The following LHX3 variants were observed in gnomAD, a reference collection of about 807,000 sequenced individuals.
LHX3 encodes LIM/homeobox protein Lhx3.
LHX3 carries 21 observed loss-of-function variants against 32.4 expected under a neutral mutation model. That is an observed-to-expected ratio of 0.65 (90% CI 0.46 to 0.93). LHX3 has a LOEUF of 0.93. LHX3 is among the 40% of genes least tolerant of loss of function. The probability of loss-of-function intolerance (pLI) is 0.00; values close to 1 mark genes in which losing one functional copy is unlikely to be tolerated. For missense variants in LHX3, 626 were observed against 560.0 expected (o/e 1.12, Z -1.19); for synonymous variants, 258 against 246.8 (o/e 1.05, Z -0.43).
intron 5 of LHX3, among the ~76,000 whole-genome samples, chr9:136,198,168 G>A (rs1289693510): frequency 6.6e-6 from 1 of 152,182 alleles, no homozygotes; most frequent in Non-Finnish European, 1.5e-5. Context: ...AACAGATGGG[G>A]ACGCAGCATC....
Position 136,203,593 on chromosome 9 carries a change from G to A in LHX3, c.79+1341C>T, listed in dbSNP as rs12339630. On this transcript the variant is annotated intron_variant, in intron 1 of 5. Coordinates refer to ENST00000371748, the MANE Select transcript of LHX3 (RefSeq NM_178138.6). ...GCAGAAGGGGTGAGTGTGGCGCCGAGGGCTGCGTACCGGAACCGCAAGGTG... is the reference window on the plus strand; with the variant it reads ...GCAGAAGGGGTGAGTGTGGCGCCGAAGGCTGCGTACCGGAACCGCAAGGTG... Among the ~76,000 whole-genome samples the A allele has an allele frequency of 2.6e-5, 4 of 152,220 alleles. No homozygotes were observed. The South Asian group carries it at 8.3e-4, about 31-fold the overall frequency.
intron 1 of LHX3, among the ~76,000 whole-genome samples, chr9:136,204,597 C>T (rs1225934753): frequency 6.6e-6 from 1 of 152,176 alleles, no homozygotes; most frequent in African/African-American, 2.4e-5. Flanking sequence ...GGTCCAGAGA[C>T]CTGGGCCGGG....
intron 2 of LHX3, 151 bp from the exon 3 acceptor site, chr9:136,200,031 G>T: frequency 1.3e-6 from 1 of 795,000 alleles, no homozygotes; most frequent in East Asian, 2.7e-5. Flanking sequence ...CTGGCCGCCG[G>T]GGCAGAGCTG....
intron 1 of LHX3, chr9:136,202,988 G>C: frequency 6.5e-7 from 1 of 1,526,954 alleles, no homozygotes; most frequent in Non-Finnish European, 8.7e-7. Flanking sequence ...GCTAGCAGCA[G>C]GTCGCCTCCC....
intron 1 of LHX3, 93 bp from the exon 2 acceptor site, chr9:136,200,846 C>G: frequency 6.9e-7 from 1 of 1,444,840 alleles, no homozygotes; most frequent in East Asian, 2.3e-5. Flanking sequence ...CCCCTCCGGC[C>G]CACAGGACTC....
At position 136,198,628 on chromosome 9, in the gene LHX3, G is replaced by A. The variant is rs763487686; in HGVS notation, c.775+24C>T. The A allele has an allele frequency of 9.7e-6, 14 of 1,446,716 alleles. 1 individual carries two copies. The highest frequency in any genetic ancestry group is 1.3e-5 in the South Asian group (1 of 74,572). 89.6% of individuals were successfully genotyped at this position (1,446,716 alleles called of 1,614,324 possible). ...CGCCGACGCGCGCTCGTCCCCCCCC[G>A]AGCTCCGCGATCCCTCCGCCTACCG... On this transcript the variant is annotated intron_variant, in intron 5 of 5. Coordinates refer to ENST00000371748, the MANE Select transcript of LHX3 (RefSeq NM_178138.6).
intron 1 of LHX3, among the ~76,000 whole-genome samples, chr9:136,201,838 C>T (rs1163532183): frequency 1.3e-5 from 2 of 152,220 alleles, no homozygotes; most frequent in Admixed American, 1.3e-4. Flanking sequence ...CCCGGGGTCC[C>T]CATCGTGGGC....
At chr9:136,202,617 C>G (rs905752036) in intron 1 of LHX3, among the ~76,000 whole-genome samples, 1 of 152,152 alleles carries the variant, frequency 6.6e-6, no homozygotes, top group Admixed American at 6.5e-5. Context: ...CCCTCCTGTC[C>G]CGTGGTCACT....
chr9:136,201,934 G>T (rs1467172625), intron 1 of LHX3, among the ~76,000 whole-genome samples: 1 of 151,960 alleles, frequency 6.6e-6, no homozygotes, highest in Non-Finnish European at 1.5e-5. Flanking sequence ...ACCGGACAGC[G>T]CCTCGGCCGC....
chr9:136,202,872 C>T, intron 1 of LHX3: 2 of 1,486,098 alleles, frequency 1.3e-6, no homozygotes. Flanking sequence ...TCCTGCCAGC[C>T]TCCGCGGCCA....
At position 136,197,539 on chromosome 9, in the gene LHX3, A is replaced by G; in HGVS notation, c.980T>C (p.Leu327Pro). The G allele has an allele frequency of 4.6e-6, 7 of 1,508,476 alleles. No individual in the cohort carries two copies. Among genetic ancestry groups the G allele is most frequent in the Non-Finnish European group, 4.5e-6 (5 of 1,119,574 alleles). The allele number at this position is 1,508,476 out of a possible 1,614,324, so 93.4% of individuals were successfully genotyped here. A position where few individuals can be genotyped will look rare whatever the true frequency, so the allele number is the denominator to read the frequency against. Residue 327 changes from leucine (L) to proline (P), a missense_variant, in exon 6 of 6, where the codon CTC becomes CCC. Coordinates refer to ENST00000371748, the MANE Select transcript of LHX3 (RefSeq NM_178138.6). ...GGAGAGGAGGGGCTGGGGGCCAGGG[A>G]GGCTCTGCGGGGCGGCGGGGGATGG... is the stretch of plus-strand genomic sequence containing the variant. The part of the protein sequence containing the change: ...VPPSPAAPQS[L>P]PGPQPLLSSL...
In LHX3 at chr9:136,205,085, C is replaced by G. The variant is rs938444548; in HGVS notation, c.-73G>C. 5.4e-6 allele frequency: 7 copies of G among 1,299,274 alleles called. No homozygotes were observed. The African/African-American group carries it at 1.1e-4, about 20-fold the overall frequency. The allele number at this position is 1,299,274 out of a possible 1,614,324, so 80.5% of individuals were successfully genotyped here. A position where few individuals can be genotyped will look rare whatever the true frequency, so the allele number is the denominator to read the frequency against. ...CGTCCCCTGGAGGGTTCGGGGCTCC[C>G]AAGTCCCGCCGCGTCGTGCGGGGCA... On this transcript the variant is annotated 5_prime_UTR_variant, in exon 1 of 6. Coordinates refer to ENST00000371748, the MANE Select transcript of LHX3 (RefSeq NM_178138.6).
intron 1 of LHX3, chr9:136,201,589 T>A: frequency 9.7e-7 from 1 of 1,030,890 alleles, no homozygotes; most frequent in South Asian, 4.6e-5. Flanking sequence ...AAGAGAGGAG[T>A]GCCCGCTGAA....
chr9:136,203,184 G>GCCT (rs1831687714), intron 1 of LHX3: 2 of 1,171,624 alleles, frequency 1.7e-6, no homozygotes, highest in African/African-American at 3.3e-5. Flanking sequence ...GGGGCCCGGA[G>GCCT]CCTCTGGCCG....
chr9:136,203,351 C>T (rs1318917830), intron 1 of LHX3, among the ~76,000 whole-genome samples: 1 of 151,994 alleles, frequency 6.6e-6, no homozygotes, highest in East Asian at 1.9e-4. Flanking sequence ...GGGCGGGCAC[C>T]GGTAAGGGAG....
intron 4 of LHX3, 21 bp downstream of exon 4, chr9:136,198,887 G>T: frequency 1.3e-6 from 2 of 1,590,044 alleles, no homozygotes; most frequent in Non-Finnish European, 1.7e-6. Context: ...GGGCGGGAGG[G>T]AAGCAGGGGC....
Position 136,198,724 on chromosome 9 carries a change from G to C in LHX3, c.703C>G (p.Arg235Gly). The change falls in exon 5 of 6, where the codon CGC becomes GGC. Residue 235 changes from arginine (R) to glycine (G), a missense_variant. By Grantham distance (125) the Arg-to-Gly change is moderately radical. Transcript: ENST00000371748. ...GQYFRNMKRS[R>G]GGSKSDKDSV... ...TCCTTGTCCGACTTGGAGCCGCCGC[G>C]GGAGCGCTTCATGTTGCGGAAATAC... 6.2e-7 allele frequency: 1 copy of C among 1,611,526 alleles called. No individual in the cohort carries two copies. Among genetic ancestry groups the C allele is most frequent in the African/African-American group, 1.3e-5 (1 of 75,002 alleles).
At position 136,203,120 on chromosome 9, in the gene LHX3, C is replaced by A. The variant is rs569646536; in HGVS notation, c.79+1814G>T. 1,252 of 1,438,396 alleles carry A rather than the reference C, an allele frequency of 8.7e-4. 15 individuals carry two copies. In the South Asian group the frequency reaches 0.016, roughly 19 times the overall value. The allele number at this position is 1,438,396 out of a possible 1,614,324, so 89.1% of individuals were successfully genotyped here. Reference sequence around the variant, plus strand: ...GACGCCACCCCGCAATAGCCCCGAACCGGCGTCCAAGCGACTCCGGGTGCT... The same window carrying A: ...GACGCCACCCCGCAATAGCCCCGAAACGGCGTCCAAGCGACTCCGGGTGCT... On this transcript the variant is annotated intron_variant, in intron 1 of 5. Coordinates refer to ENST00000371748, the MANE Select transcript of LHX3 (RefSeq NM_178138.6).
chr9:136,200,842 C>A (rs573480997), intron 1 of LHX3, 89 bp from the exon 2 acceptor site: 3 of 1,462,410 alleles, frequency 2.1e-6, no homozygotes, highest in East Asian at 2.3e-5. Flanking sequence ...GTCTCCCCTC[C>A]GGCCCACAGG....
Sources: gnomAD v4.1 joint callset for allele counts (sites outside exome capture counted in the v4.1 genomes callset) on GRCh38, gnomAD v4.1.1 for gene constraint, MANE v1.5 for transcripts, NCBI Gene and HGNC (gene_info 2026-07-23, HGNC 2026-07-21) for gene names.